PPP2R2C: variants seen among roughly 807,000 people sequenced by gnomAD.
The protein encoded by PPP2R2C is protein phosphatase 2, regulatory subunit B, gamma.
Under a neutral mutation model 45.3 loss-of-function variants are expected in PPP2R2C, and 10 were observed. That is an observed-to-expected ratio of 0.22 (90% CI 0.14 to 0.37). The LOEUF is 0.37. Among genes scored for constraint, PPP2R2C ranks in the 10% least tolerant of loss-of-function variants. The pLI is 1.00. For missense variants in PPP2R2C, 308 were observed against 619.7 expected (o/e 0.50, Z 5.34); for synonymous variants, 257 against 245.4 (o/e 1.05, Z -0.44).
intron 1 of PPP2R2C, among the ~76,000 whole-genome samples, chr4:6,417,648 C>T (rs569089810): frequency 6.6e-6 from 1 of 152,330 alleles, no homozygotes; most frequent in African/African-American, 2.4e-5. Flanking sequence ...CTTTCGGGGG[C>T]CCCCGGGGAC....
chr4:6,361,766 A>T (rs1713755580), intron 5 of PPP2R2C, among the ~76,000 whole-genome samples: 1 of 152,134 alleles, frequency 6.6e-6, no homozygotes, highest in African/African-American at 2.4e-5. Context: ...CAGAGCTGGG[A>T]TGTGCACCCA....
chr4:6,413,708 G>C (rs1288913307), intron 1 of PPP2R2C, among the ~76,000 whole-genome samples: 1 of 152,186 alleles, frequency 6.6e-6, no homozygotes, highest in Non-Finnish European at 1.5e-5. Context: ...GAGGGCCAGG[G>C]ATGACCCCTA....
At chr4:6,371,259 T>C (rs1714804955) in intron 5 of PPP2R2C, among the ~76,000 whole-genome samples, 1 of 152,228 alleles carries the variant, frequency 6.6e-6, no homozygotes, top group Admixed American at 6.5e-5. Context: ...TCAGGGGACA[T>C]CCAACGCTTT....
At chr4:6,445,909 T>TCACATGGC (rs1360456633) in intron 1 of PPP2R2C, among the ~76,000 whole-genome samples, 2 of 152,110 alleles carry the variant, frequency 1.3e-5, no homozygotes, top group Admixed American at 6.5e-5. Flanking sequence ...GACTCCTATC[T>TCACATGGC]CACATGGCCA....
intron 2 of PPP2R2C, among the ~76,000 whole-genome samples, chr4:6,481,776 C>T (rs1368271924): frequency 1.3e-5 from 2 of 151,748 alleles, no homozygotes; most frequent in African/African-American, 2.4e-5. Context: ...GTCAGGAGTT[C>T]GAGACAAGCC....
At chr4:6,420,028 A>C in intron 1 of PPP2R2C, among the ~76,000 whole-genome samples, 1 of 152,238 alleles carries the variant, frequency 6.6e-6, no homozygotes, top group Non-Finnish European at 1.5e-5. Context: ...TGAGAGAAGG[A>C]CACATTTAAA....
chr4:6,361,173 T>C (rs1030370456), intron 5 of PPP2R2C, among the ~76,000 whole-genome samples: 4 of 152,180 alleles, frequency 2.6e-5, no homozygotes, highest in African/African-American at 4.8e-5. Context: ...TTAATGATTA[T>C]GCAATTCCTC....
At chr4:6,547,937 G>T (rs930786661) in intron 1 of PPP2R2C, among the ~76,000 whole-genome samples, 1 of 152,150 alleles carries the variant, frequency 6.6e-6, no homozygotes, top group African/African-American at 2.4e-5. Context: ...TCATAATGGG[G>T]CCAGGCACGG....
At position 6,344,871 on chromosome 4, in the gene PPP2R2C, A is replaced by G. The variant is rs186045896; in HGVS notation, c.790+2975T>C. 5.9e-5 allele frequency among the ~76,000 whole-genome samples: 9 copies of G among 152,310 alleles called. No individual in the cohort carries two copies. In the East Asian group the frequency reaches 1.4e-3, roughly 23 times the overall value. ...ACATGACCGAACAATATTCTAGTAC[A>G]TGGATGTCATCACTGTCGACATCAT... On this transcript the variant is annotated intron_variant, in intron 6 of 8. Coordinates refer to ENST00000382599, the MANE Select transcript of PPP2R2C (RefSeq NM_020416.4).
intron 1 of PPP2R2C, among the ~76,000 whole-genome samples, chr4:6,429,554 C>T (rs1157980592): frequency 1.3e-5 from 2 of 152,126 alleles, no homozygotes; most frequent in East Asian, 1.9e-4. Context: ...CTCAGAGAGG[C>T]GGTGGTGACA....
At chr4:6,524,462 C>T (rs535911646) in intron 2 of PPP2R2C, among the ~76,000 whole-genome samples, 6 of 152,296 alleles carry the variant, frequency 3.9e-5, no homozygotes, top group Middle Eastern at 3.4e-3. Context: ...GAGCAAAAAA[C>T]GATTCACGAA....
chr4:6,326,695 G>A (rs1731971227), intron 8 of PPP2R2C, among the ~76,000 whole-genome samples: 1 of 152,212 alleles, frequency 6.6e-6, no homozygotes, highest in Non-Finnish European at 1.5e-5. Context: ...TGACTTAGGG[G>A]CTTCCTCAAG....
chr4:6,541,475 C>G (rs1470802586), intron 1 of PPP2R2C, among the ~76,000 whole-genome samples: 1 of 152,132 alleles, frequency 6.6e-6, no homozygotes, highest in Admixed American at 6.6e-5. Flanking sequence ...CAGAGGTGGA[C>G]AGAGTGGTCA....
At chr4:6,406,801 G>T (rs1172559978) in intron 1 of PPP2R2C, among the ~76,000 whole-genome samples, 2 of 151,978 alleles carry the variant, frequency 1.3e-5, no homozygotes, top group Non-Finnish European at 1.5e-5. Flanking sequence ...AAAAACAAAA[G>T]GTATGTCCAC....
chr4:6,556,956 C>T (rs958210188), intron 1 of PPP2R2C, among the ~76,000 whole-genome samples: 10 of 152,132 alleles, frequency 6.6e-5, no homozygotes, highest in African/African-American at 2.2e-4. Flanking sequence ...CAAAACCCAC[C>T]CAAAGACTCC....
chr4:6,329,489 G>T lies in PPP2R2C; in HGVS notation c.961-136C>A. The T allele has an allele frequency of 1.4e-6, 1 of 736,524 alleles. No homozygotes were observed. The highest frequency in any genetic ancestry group is 2.4e-6 in the Non-Finnish European group (1 of 423,766). The allele number at this position is 736,524 out of a possible 1,614,324, so 45.6% of individuals were successfully genotyped here. Reference sequence around the variant, plus strand: ...GCGCAGACCTGCTCATCTCAGCGAGGGTCTGAATGCTCTGACACAGCCCGA... The same window carrying T: ...GCGCAGACCTGCTCATCTCAGCGAGTGTCTGAATGCTCTGACACAGCCCGA... On this transcript the variant is annotated intron_variant, in intron 7 of 8. Coordinates refer to ENST00000382599, the MANE Select transcript of PPP2R2C (RefSeq NM_020416.4). The surrounding 1 kb of genome is among the most constrained non-coding windows in gnomAD (Gnocchi z 5.8).
At chr4:6,414,098 G>T in intron 1 of PPP2R2C, 1 of 1,285,388 alleles carries the variant, frequency 7.8e-7, no homozygotes, top group Non-Finnish European at 1.0e-6. Flanking sequence ...GTGTGTGTGT[G>T]TGTGTGTGTG....
At chr4:6,525,698 A>G (rs2108817388) in intron 2 of PPP2R2C, among the ~76,000 whole-genome samples, 1 of 151,866 alleles carries the variant, frequency 6.6e-6, no homozygotes, top group South Asian at 2.1e-4. Flanking sequence ...TTCAACACAG[A>G]CTGTCCTTTT....
At chr4:6,503,186 C>T (rs1007521239) in intron 2 of PPP2R2C, among the ~76,000 whole-genome samples, 5 of 152,212 alleles carry the variant, frequency 3.3e-5, no homozygotes, top group Non-Finnish European at 5.9e-5. Flanking sequence ...CCACCCATGG[C>T]CTGCCCCAGC....
Sources: allele counts gnomAD v4.1 joint callset (sites outside exome capture counted in the v4.1 genomes callset), GRCh38; gene constraint gnomAD v4.1.1; non-coding constraint Gnocchi (gnomAD v3.1); transcripts MANE v1.5; gene names NCBI Gene and HGNC (gene_info 2026-07-23, HGNC 2026-07-21).